Variants in ADAMTS18 observed in about 807,000 individuals in gnomAD.
ADAMTS18 encodes the protein A disintegrin and metalloproteinase with thrombospondin motifs 18.
ADAMTS18 carries 157 observed loss-of-function variants against 165.9 expected under a neutral mutation model. The ratio of observed to expected loss-of-function variants is 0.95; its 90% CI spans 0.83 to 1.08. The LOEUF (loss-of-function observed/expected upper bound fraction) is 1.08. Among genes scored for constraint, ADAMTS18 ranks in the 50% least tolerant of loss-of-function variants. The probability of loss-of-function intolerance (pLI) is 0.00; values close to 1 mark genes in which losing one functional copy is unlikely to be tolerated. For synonymous variants in ADAMTS18, 782 were observed against 578.2 expected, an observed-to-expected ratio of 1.35 and a Z score of -5.06; for missense variants, 2,040 against 1,534.0, an observed-to-expected ratio of 1.33 and a Z score of -5.51.
At chr16:77,300,005 A>T (rs77542289) in intron 17 of ADAMTS18, 41,492 of 355,578 alleles carry the variant, frequency 0.12, 2,742 homozygotes, top group Middle Eastern at 0.22. Flanking sequence ...AATATATTTT[A>T]TATGTTTTTC....
At chr16:77,289,591 G>T (rs1420530413) in intron 21 of ADAMTS18, 180 bp from the exon 22 acceptor site, 2 of 711,682 alleles carry the variant, frequency 2.8e-6, no homozygotes, top group African/African-American at 1.8e-5. Context: ...TGATCCCTTT[G>T]ATCTGATTAG....
At chr16:77,335,667 AT>A (rs1272107445) in intron 12 of ADAMTS18, 88 bp downstream of exon 12, 23 of 1,503,446 alleles carry the variant, frequency 1.5e-5, no homozygotes, top group African/African-American at 1.5e-4. Flanking sequence ...AAATAAAAAA[AT>A]AAACTTAAAG....
intron 3 of ADAMTS18, among the ~76,000 whole-genome samples, chr16:77,393,037 G>T (rs1383692506): frequency 2.6e-5 from 4 of 152,166 alleles, no homozygotes; most frequent in Non-Finnish European, 5.9e-5. Flanking sequence ...CCATCAAAGG[G>T]TTAATGCGCT....
At chr16:77,340,236 A>G (rs2056377899) in intron 11 of ADAMTS18, among the ~76,000 whole-genome samples, 2 of 152,168 alleles carry the variant, frequency 1.3e-5, no homozygotes, top group African/African-American at 4.8e-5. Context: ...ATTCAGTGGC[A>G]CAATCTCCAC....
At chr16:77,413,380 G>C (rs902958757) in intron 3 of ADAMTS18, among the ~76,000 whole-genome samples, 1 of 152,126 alleles carries the variant, frequency 6.6e-6, no homozygotes, top group Non-Finnish European at 1.5e-5. Context: ...CTTACTCCTG[G>C]GGTGACTTCT....
At chr16:77,316,660 T>A (rs2055892692) in intron 16 of ADAMTS18, among the ~76,000 whole-genome samples, 1 of 152,008 alleles carries the variant, frequency 6.6e-6, no homozygotes, top group African/African-American at 2.4e-5. Context: ...TTAAGTTGAT[T>A]CTCCACATCA....
intron 16 of ADAMTS18, among the ~76,000 whole-genome samples, chr16:77,308,945 C>G (rs189798394): frequency 6.6e-6 from 1 of 152,144 alleles, no homozygotes; most frequent in East Asian, 1.9e-4. Context: ...TTCCCAAACC[C>G]AATAAAATAA....
At chr16:77,398,648 C>T (rs1489788442) in intron 3 of ADAMTS18, among the ~76,000 whole-genome samples, 1 of 152,134 alleles carries the variant, frequency 6.6e-6, no homozygotes, top group Non-Finnish European at 1.5e-5. Context: ...GGGTTGGGGG[C>T]TGTCAGTGCA....
Position 77,353,790 on chromosome 16 carries a change from T to C in ADAMTS18, c.1557A>G (p.Thr519=), listed in dbSNP as rs2056589445. 6.2e-7 allele frequency: 1 copy of C among 1,614,176 alleles called. No homozygotes were observed. The highest frequency in any genetic ancestry group is 8.5e-7 in the Non-Finnish European group (1 of 1,180,016). Residue 519 remains threonine (T), a synonymous_variant, in exon 10 of 23, where the codon ACA becomes ACG. Coordinates refer to ENST00000282849, the MANE Select transcript of ADAMTS18 (RefSeq NM_199355.4). ...KLPGQIYDAD[T]QCKWQFGAKA... The stretch of plus-strand genomic sequence containing the variant: ...TTGCTCCAAATTGCCATTTACACTG[T>C]GTGTCAGCATCATAAATCTGTCCTG...
intron 7 of ADAMTS18, among the ~76,000 whole-genome samples, chr16:77,361,152 C>G (rs940030268): frequency 1.3e-5 from 2 of 152,120 alleles, no homozygotes; most frequent in African/African-American, 4.8e-5. Flanking sequence ...TTACATATTA[C>G]TTGTGGCTGC....
intron 3 of ADAMTS18, among the ~76,000 whole-genome samples, chr16:77,410,226 T>C (rs1175558719): frequency 6.6e-6 from 1 of 152,086 alleles, no homozygotes; most frequent in African/African-American, 2.4e-5. Flanking sequence ...ATTTTCTTTC[T>C]TATTAATGTT....
chr16:77,326,608 C>T (rs1015000549), intron 12 of ADAMTS18, among the ~76,000 whole-genome samples: 4 of 152,160 alleles, frequency 2.6e-5, no homozygotes, highest in African/African-American at 9.7e-5. Flanking sequence ...GTCTCAAACT[C>T]CTCGGTTCAA....
intron 22 of ADAMTS18, among the ~76,000 whole-genome samples, chr16:77,288,194 G>A (rs1191206344): frequency 2.6e-5 from 4 of 152,078 alleles, no homozygotes; most frequent in Admixed American, 2.6e-4. Context: ...ATCCTTCCAG[G>A]AGATACTGTT....
At chr16:77,372,292 G>A (rs1293110917) in intron 3 of ADAMTS18, among the ~76,000 whole-genome samples, 1 of 152,214 alleles carries the variant, frequency 6.6e-6, no homozygotes, top group Non-Finnish European at 1.5e-5. Flanking sequence ...AATGAACTCA[G>A]TATGTTGAAG....
chr16:77,298,946 A>C (rs988421971), intron 17 of ADAMTS18, among the ~76,000 whole-genome samples: 5 of 152,256 alleles, frequency 3.3e-5, no homozygotes, highest in Admixed American at 6.5e-5. Context: ...GCAAGGCGAG[A>C]ATTTCACAAC....
At chr16:77,389,882 T>C (rs2057162469) in intron 3 of ADAMTS18, among the ~76,000 whole-genome samples, 1 of 152,190 alleles carries the variant, frequency 6.6e-6, no homozygotes, top group African/African-American at 2.4e-5. Context: ...AAGTGGTAGA[T>C]TGTTTTTAGA....
Position 77,321,125 on chromosome 16 carries a change from A to C in ADAMTS18, c.2241T>G (p.Thr747=), listed in dbSNP as rs188168666. 101 of 1,614,212 alleles carry C rather than the reference A, an allele frequency of 6.3e-5. No homozygotes were observed. In the Admixed American group the frequency reaches 1.3e-3, roughly 22 times the overall value. The change falls in exon 15 of 23, where the codon ACT becomes ACG. Residue 747 remains threonine, a synonymous_variant. Transcript: ENST00000282849. The stretch of plus-strand genomic sequence containing the variant: ...GGTACAGGCCTTTATAAAACTTGCA[A>C]GTTGAATTATCACCTTTGCAAACGC... ...ACGVCKGDNS[T]CKFYKGLYLN... is the part of the protein sequence containing the mutation.
At chr16:77,397,440 T>C (rs937833364) in intron 3 of ADAMTS18, among the ~76,000 whole-genome samples, 14 of 152,320 alleles carry the variant, frequency 9.2e-5, no homozygotes, top group African/African-American at 3.1e-4. Context: ...GCAGATGTTA[T>C]ATTAAAAGAA....
chr16:77,365,846 G>T (rs546460721), intron 4 of ADAMTS18, among the ~76,000 whole-genome samples: 15 of 152,320 alleles, frequency 9.8e-5, no homozygotes, highest in Non-Finnish European at 1.6e-4. Context: ...TAAAAACTCA[G>T]GTTGGCCACT....
Sources: allele counts gnomAD v4.1 joint callset (sites outside exome capture counted in the v4.1 genomes callset), GRCh38; gene constraint gnomAD v4.1.1; transcripts MANE v1.5; gene names NCBI Gene and HGNC (gene_info 2026-07-23, HGNC 2026-07-21).